Variants in ADAMTS19 observed in about 807,000 individuals in gnomAD.
The protein encoded by ADAMTS19 is ADAM metallopeptidase with thrombospondin type 1 motif 19.
ADAMTS19 carries 93 observed loss-of-function variants against 153.3 expected under a neutral mutation model. That is an observed-to-expected ratio of 0.61 (90% CI 0.51 to 0.72). The LOEUF is 0.72. Ranked by LOEUF, ADAMTS19 falls within the 30% of genes least tolerant of loss-of-function variation. The pLI is 0.00. For synonymous variants in ADAMTS19, 600 were observed against 556.6 expected, an observed-to-expected ratio of 1.08 and a Z score of -1.10; for missense variants, 1,482 against 1,552.1, an observed-to-expected ratio of 0.95 and a Z score of 0.76.
At position 129,631,213 on chromosome 5, in the gene ADAMTS19, A is replaced by G. The variant is rs867744298; in HGVS notation, c.1770+8865A>G. Among the ~76,000 whole-genome samples the G allele has an allele frequency of 6.1e-5, 9 of 148,672 alleles. No homozygotes were observed. In the South Asian group the frequency reaches 1.7e-3, roughly 28 times the overall value. ...TAAGCATTCACCTCTTATATGATCCAAACTTTCCACTCCTAGATCCAAAAA... is the reference window on the plus strand; with the variant it reads ...TAAGCATTCACCTCTTATATGATCCGAACTTTCCACTCCTAGATCCAAAAA... On this transcript the variant is annotated intron_variant, in intron 10 of 22. Coordinates refer to ENST00000274487, the MANE Select transcript of ADAMTS19 (RefSeq NM_133638.6).
chr5:129,600,094 AG>A (rs2126927660), intron 8 of ADAMTS19, among the ~76,000 whole-genome samples: 1 of 152,330 alleles, frequency 6.6e-6, no homozygotes, highest in East Asian at 1.9e-4. Flanking sequence ...CAATGTAAGA[AG>A]AAATGAAGAA....
intron 2 of ADAMTS19, among the ~76,000 whole-genome samples, chr5:129,479,018 A>G (rs1350821091): frequency 1.3e-5 from 2 of 152,196 alleles, no homozygotes; most frequent in East Asian, 3.8e-4. Context: ...AATTTTTCAC[A>G]GAAACCCACT....
At chr5:129,492,153 C>T (rs2126692336) in intron 2 of ADAMTS19, among the ~76,000 whole-genome samples, 1 of 152,258 alleles carries the variant, frequency 6.6e-6, no homozygotes, top group South Asian at 2.1e-4. Flanking sequence ...CAGCATGCAT[C>T]TCACATGGCG....
chr5:129,617,572 A>G (rs573064961), intron 8 of ADAMTS19, among the ~76,000 whole-genome samples: 146 of 152,174 alleles, frequency 9.6e-4, no homozygotes, highest in Non-Finnish European at 1.6e-3. Context: ...CCACAGATGG[A>G]AGAGTCAAGC....
intron 7 of ADAMTS19, among the ~76,000 whole-genome samples, chr5:129,582,826 C>T (rs919461528): frequency 6.6e-6 from 1 of 151,920 alleles, no homozygotes; most frequent in Non-Finnish European, 1.5e-5. Context: ...CTGCCTCAGC[C>T]TCCCAAAAGT....
intron 2 of ADAMTS19, among the ~76,000 whole-genome samples, chr5:129,499,664 C>T (rs1751036209): frequency 6.6e-6 from 1 of 151,960 alleles, no homozygotes; most frequent in Non-Finnish European, 1.5e-5. Flanking sequence ...CCACAAGAAG[C>T]CCTCATGAAG....
intron 15 of ADAMTS19, among the ~76,000 whole-genome samples, chr5:129,661,469 T>C (rs993796337): frequency 6.6e-6 from 1 of 152,208 alleles, no homozygotes; most frequent in Admixed American, 6.5e-5. Flanking sequence ...ATGTACTTCC[T>C]AGAATTTTTT....
chr5:129,630,021 G>A (rs1752218434), intron 10 of ADAMTS19, among the ~76,000 whole-genome samples: 1 of 152,098 alleles, frequency 6.6e-6, no homozygotes, highest in Admixed American at 6.6e-5. Flanking sequence ...AATTGCATAT[G>A]TATTAAATGG....
At chr5:129,578,333 T>C (rs1341807999) in intron 7 of ADAMTS19, among the ~76,000 whole-genome samples, 1 of 21,304 alleles carries the variant, frequency 4.7e-5, no homozygotes. Context: ...TGCATGTATA[T>C]GTACGTATAC....
intron 6 of ADAMTS19, among the ~76,000 whole-genome samples, chr5:129,531,921 G>A (rs2126776134): frequency 6.6e-6 from 1 of 152,094 alleles, no homozygotes; most frequent in Admixed American, 6.5e-5. Flanking sequence ...TTCAGCAGAT[G>A]GTATTAGAAT....
intron 10 of ADAMTS19, among the ~76,000 whole-genome samples, chr5:129,628,980 C>T (rs1044692099): frequency 2.6e-4 from 40 of 152,072 alleles, no homozygotes; most frequent in Non-Finnish European, 1.2e-4. Flanking sequence ...TTAAGCAAAG[C>T]ATGACTGTAG....
intron 10 of ADAMTS19, among the ~76,000 whole-genome samples, chr5:129,622,668 T>G (rs1394101174): frequency 6.6e-6 from 1 of 152,174 alleles, no homozygotes; most frequent in Non-Finnish European, 1.5e-5. Flanking sequence ...CTCCATTATC[T>G]GCAGGAATTG....
In ADAMTS19 at chr5:129,526,331, A is replaced by C; in HGVS notation, c.961A>C (p.Lys321Gln). Residue 321 changes from lysine (K) to glutamine (Q), a missense_variant, in exon 4 of 23, where the codon AAA becomes CAA. Transcript: ENST00000274487. ...SRKIAESGRG[K>Q]RYSYKLPQEY... ...AAAAATAGCAGAAAGTGGAAGAGGG[A>C]AACGATATTCATACAAATTACCTCA... The C allele has an allele frequency of 6.3e-7, 1 of 1,598,682 alleles. No homozygotes were observed. The highest frequency in any genetic ancestry group is 8.5e-7 in the Non-Finnish European group (1 of 1,174,058).
intron 21 of ADAMTS19, among the ~76,000 whole-genome samples, chr5:129,723,789 C>T (rs543197278): frequency 2.0e-5 from 3 of 152,220 alleles, no homozygotes; most frequent in East Asian, 1.9e-4. Flanking sequence ...ATTCTGAGAA[C>T]GTGTACCCAT....
chr5:129,617,023 GA>G (rs1339357863), intron 8 of ADAMTS19, among the ~76,000 whole-genome samples: 1 of 151,978 alleles, frequency 6.6e-6, no homozygotes, highest in African/African-American at 2.4e-5. Context: ...TTGTAAAATA[GA>G]AGTCATGATA....
chr5:129,680,781 A>C (rs1581220319), intron 17 of ADAMTS19, among the ~76,000 whole-genome samples: 1 of 151,768 alleles, frequency 6.6e-6, no homozygotes, highest in African/African-American at 2.4e-5. Flanking sequence ...AAAAACAAAA[A>C]AAAAAACTGG....
At chr5:129,499,549 G>A (rs1267184545) in intron 2 of ADAMTS19, among the ~76,000 whole-genome samples, 2 of 152,090 alleles carry the variant, frequency 1.3e-5, no homozygotes, top group African/African-American at 2.4e-5. Context: ...GAAAAGGCCA[G>A]CAGTTTACAA....
At chr5:129,612,204 AT>A (rs1216490337) in intron 8 of ADAMTS19, among the ~76,000 whole-genome samples, 1 of 139,814 alleles carries the variant, frequency 7.2e-6, no homozygotes, top group Non-Finnish European at 1.5e-5. Context: ...ATTCCCACCT[AT>A]GAGTGAGAAC....
At chr5:129,658,507 T>C (rs1180134690) in intron 14 of ADAMTS19, 110 bp from the exon 15 acceptor site, 1 of 1,089,902 alleles carries the variant, frequency 9.2e-7, no homozygotes, top group Non-Finnish European at 1.3e-6. Context: ...ATTTCATAAG[T>C]TTTACAATTA....
Sources: allele counts gnomAD v4.1 joint callset (sites outside exome capture counted in the v4.1 genomes callset), GRCh38; gene constraint gnomAD v4.1.1; transcripts MANE v1.5; gene names NCBI Gene and HGNC (gene_info 2026-07-23, HGNC 2026-07-21).